PTBP3: variants seen among roughly 807,000 people sequenced by gnomAD.
The protein encoded by PTBP3 is polypyrimidine tract-binding protein 3.
In PTBP3, 20 loss-of-function variants were observed where a neutral mutation model predicts 58.7. That is an observed-to-expected ratio of 0.34 (90% confidence interval 0.24 to 0.50). PTBP3 has a LOEUF of 0.50. Among genes scored for constraint, PTBP3 ranks in the 20% least tolerant of loss-of-function variants. The probability of loss-of-function intolerance (pLI) is 0.98; values close to 1 mark genes in which losing one functional copy is unlikely to be tolerated. For synonymous variants in PTBP3, 185 were observed against 219.8 expected (o/e 0.84, Z 1.40); for missense variants, 509 against 637.2 (o/e 0.80, Z 2.17).
At chr9:112,332,653 A>C in intron 1 of PTBP3, 1 of 1,120,472 alleles carries the variant, frequency 8.9e-7, no homozygotes, top group East Asian at 2.9e-5. Context: ...CCCACCCCAT[A>C]TCCCTGAGTC....
chr9:112,358,313 A>C, the PTBP3 span, among the ~76,000 whole-genome samples: 185 of 152,240 alleles, frequency 1.2e-3, 2 homozygotes, highest in African/African-American at 4.3e-3. Flanking sequence ...GTCTCAAAAA[A>C]ACAAAAACAA....
downstream of PTBP3, chr9:112,218,034 G>A (rs927745527): frequency 3.9e-5 from 6 of 152,290 alleles, no homozygotes; most frequent in African/African-American, 1.2e-4. Context: ...AATGCCGTAG[G>A]GAAGCCAAAT....
At chr9:112,319,687 G>A (rs912663489) in intron 1 of PTBP3, among the ~76,000 whole-genome samples, 1 of 144,948 alleles carries the variant, frequency 6.9e-6, no homozygotes, top group East Asian at 2.0e-4. Flanking sequence ...TATATCCAGA[G>A]GAAATGGAGT....
intron 1 of PTBP3, among the ~76,000 whole-genome samples, chr9:112,306,766 C>A (rs1417298717): frequency 6.6e-6 from 1 of 151,990 alleles, no homozygotes; most frequent in Non-Finnish European, 1.5e-5. Flanking sequence ...CAGGCACACA[C>A]CACCATGCCC....
At chr9:112,355,937 T>TTTTC in the PTBP3 span, among the ~76,000 whole-genome samples, 94 of 150,448 alleles carry the variant, frequency 6.2e-4, no homozygotes, top group African/African-American at 2.2e-3. Flanking sequence ...AGTTTCTTTC[T>TTTTC]TTTCTTTTCT....
chr9:112,223,734 T>C lies in PTBP3; in HGVS notation c.*117A>G, dbSNP rs1177307734. ...TTGATTTTTAAAATATACTTGAATA[T>C]CAAACTCAGAGTTATTTTTGTGAAA... On this transcript the variant is annotated 3_prime_UTR_variant, in exon 14 of 14. Coordinates refer to ENST00000374257, the MANE Select transcript of PTBP3 (RefSeq NM_001163788.4). 4 of 1,316,996 alleles carry C rather than the reference T, an allele frequency of 3.0e-6. No individual in the cohort carries two copies. The East Asian group carries it at 1.2e-4, about 38-fold the overall frequency. 81.6% of individuals were successfully genotyped at this position (1,316,996 alleles called of 1,614,324 possible).
chr9:112,285,725 A>T (rs1828083530), intron 2 of PTBP3, among the ~76,000 whole-genome samples: 2 of 152,230 alleles, frequency 1.3e-5, no homozygotes, highest in African/African-American at 4.8e-5. Flanking sequence ...TTCGTGTGCC[A>T]TTTAATCTTA....
chr9:112,364,911 T>C, the PTBP3 span, among the ~76,000 whole-genome samples: 1 of 152,162 alleles, frequency 6.6e-6, no homozygotes, highest in Non-Finnish European at 1.5e-5. Flanking sequence ...TCTAACAGTT[T>C]CAGTACCGTG....
chr9:112,359,965 T>C, the PTBP3 span, among the ~76,000 whole-genome samples: 1 of 152,238 alleles, frequency 6.6e-6, no homozygotes, highest in African/African-American at 2.4e-5. Context: ...TGATTATCTC[T>C]GAAGGGTAGT....
chr9:112,339,547 T>A, the PTBP3 span, among the ~76,000 whole-genome samples: 2 of 151,794 alleles, frequency 1.3e-5, no homozygotes, highest in Non-Finnish European at 2.9e-5. Context: ...TTGCCATTTT[T>A]ATTTTTTTTC....
the PTBP3 span, among the ~76,000 whole-genome samples, chr9:112,349,736 C>T: frequency 1.1e-4 from 16 of 151,494 alleles, no homozygotes; most frequent in East Asian, 3.9e-4. Flanking sequence ...GCAGGCGGGG[C>T]GCCTGTAATC....
intron 1 of PTBP3, among the ~76,000 whole-genome samples, chr9:112,325,656 A>G (rs1830127381): frequency 6.6e-6 from 1 of 151,526 alleles, no homozygotes. Flanking sequence ...TCTCAAAACC[A>G]TTTTGCTGAG....
At chr9:112,290,707 T>TACACACACAAAC (rs55862558) in intron 2 of PTBP3, among the ~76,000 whole-genome samples, 2,733 of 110,892 alleles carry the variant, frequency 0.025, 80 homozygotes, top group Admixed American at 0.067. Flanking sequence ...TATATATATA[T>TACACACACAAAC]ACACACACAC....
the PTBP3 span, among the ~76,000 whole-genome samples, chr9:112,363,625 A>T: frequency 2.6e-5 from 4 of 151,444 alleles, no homozygotes. Context: ...TAAGTGTATC[A>T]GTTTATTTAT....
intron 12 of PTBP3, among the ~76,000 whole-genome samples, chr9:112,225,553 T>C (rs1834952918): frequency 6.6e-6 from 1 of 152,182 alleles, no homozygotes; most frequent in Non-Finnish European, 1.5e-5. Flanking sequence ...CACTTAAAAA[T>C]AGTTAAAACT....
At chr9:112,330,604 G>A (rs762127976) in intron 1 of PTBP3, 1 of 605,680 alleles carries the variant, frequency 1.7e-6, no homozygotes, top group Middle Eastern at 4.4e-4. Flanking sequence ...AATGTGATGA[G>A]TTGTGAAATA....
the PTBP3 span, among the ~76,000 whole-genome samples, chr9:112,342,590 C>T: frequency 2.0e-5 from 3 of 152,106 alleles, no homozygotes. Flanking sequence ...GTGGCACACA[C>T]CTGTAATCTC....
At chr9:112,296,031 T>C (rs572932181) in intron 2 of PTBP3, among the ~76,000 whole-genome samples, 1 of 152,308 alleles carries the variant, frequency 6.6e-6, no homozygotes, top group East Asian at 1.9e-4. Flanking sequence ...TGTTTTGCAA[T>C]GGTTTTTTAG....
intron 5 of PTBP3, among the ~76,000 whole-genome samples, chr9:112,258,116 G>T (rs962460841): frequency 6.6e-6 from 1 of 152,064 alleles, no homozygotes; most frequent in Non-Finnish European, 1.5e-5. Context: ...CCTAGCTTTT[G>T]TAAGTTATTT....
Sources: allele counts gnomAD v4.1 joint callset (sites outside exome capture counted in the v4.1 genomes callset), GRCh38; gene constraint gnomAD v4.1.1; transcripts MANE v1.5; gene names NCBI Gene and HGNC (gene_info 2026-07-23, HGNC 2026-07-21).